The following CDYL variants were observed in gnomAD, a reference collection of about 807,000 sequenced individuals.
CDYL encodes chromodomain Y like, also known as chromodomain Y-like protein.
Under a neutral mutation model 47.3 loss-of-function variants are expected in CDYL, and 8 were observed. That is an observed-to-expected ratio of 0.17 (90% CI 0.10 to 0.31). The LOEUF (loss-of-function observed/expected upper bound fraction) is 0.31, where lower values mean the gene tolerates loss of function less well. Among genes scored for constraint, CDYL ranks in the 10% least tolerant of loss-of-function variants. CDYL has a pLI of 1.00. For missense variants in CDYL, 471 were observed against 701.4 expected (o/e 0.67, Z 3.71); for synonymous variants, 266 against 265.0 (o/e 1.00, Z -0.04).
chr6:4,902,465 AATGTC>A (rs1243976029), intron 2 of CDYL, among the ~76,000 whole-genome samples: 1 of 151,852 alleles, frequency 6.6e-6, no homozygotes, highest in Non-Finnish European at 1.5e-5. Flanking sequence ...ACTTTGAATT[AATGTC>A]ATGTTCCAGC....
intron 1 of CDYL, among the ~76,000 whole-genome samples, chr6:4,862,712 C>CT (rs1043675297): frequency 6.6e-6 from 1 of 152,162 alleles, no homozygotes; most frequent in African/African-American, 2.4e-5. Flanking sequence ...AATTCCTAGA[C>CT]TATTTCCTCA....
rs554390652 is a variant in CDYL, at chr6:4,945,767, C to T, written c.1332+2011C>T. ...CCGTGCCGACGCCCTACCAGGCTGG[C>T]GGCTGTGGCAGGTGCTATATGTGAC... On this transcript the variant is annotated intron_variant, in intron 5 of 6. Transcript: ENST00000397588. Among the ~76,000 whole-genome samples the T allele has an allele frequency of 2.0e-3, 308 of 152,370 alleles. 1 individual carries two copies. The highest frequency in any genetic ancestry group is 6.3e-3 in the African/African-American group (261 of 41,586).
chr6:4,786,272 A>G (rs1262146518), intron 1 of CDYL, among the ~76,000 whole-genome samples: 1 of 152,212 alleles, frequency 6.6e-6, no homozygotes, highest in African/African-American at 2.4e-5. Context: ...GGGATTCAAT[A>G]TGAAATATTT....
rs1341165015 is a variant in CDYL, at chr6:4,858,091, G to A, written c.25-33622G>A. Among the ~76,000 whole-genome samples the A allele has an allele frequency of 2.8e-5, 4 of 141,758 alleles. No individual in the cohort carries two copies. The South Asian group carries it at 8.9e-4, about 31-fold the overall frequency. 93.0% of individuals were successfully genotyped at this position (141,758 alleles called of 152,430 possible). A position where few individuals can be genotyped will look rare whatever the true frequency, so the allele number is the denominator to read the frequency against. ...CTTATTTTCCTTGCCCTTCAAAATT[G>A]TGCTTATTTCTGAATGCAAGAAGTT... is the stretch of plus-strand genomic sequence containing the variant. On this transcript the variant is annotated intron_variant, in intron 1 of 6. Transcript: ENST00000397588.
chr6:4,898,911 C>T (rs1399438356), intron 2 of CDYL, among the ~76,000 whole-genome samples: 4 of 152,216 alleles, frequency 2.6e-5, no homozygotes, highest in African/African-American at 9.6e-5. Context: ...GAGCCAAGGA[C>T]TTTTGAACAT....
intron 1 of CDYL, among the ~76,000 whole-genome samples, chr6:4,783,421 T>C (rs1758671257): frequency 6.6e-6 from 1 of 151,338 alleles, no homozygotes; most frequent in Non-Finnish European, 1.5e-5. Flanking sequence ...TTGAGACTTT[T>C]TTTTTTTTTT....
intron 3 of CDYL, among the ~76,000 whole-genome samples, chr6:4,752,495 T>C (rs918645472): frequency 2.6e-4 from 39 of 152,072 alleles, no homozygotes; most frequent in Admixed American, 7.2e-4. Context: ...GGTGCACAGA[T>C]GGGGTCGAAA....
chr6:4,710,474 T>C (rs1290001375), intron 1 of CDYL, among the ~76,000 whole-genome samples: 1 of 151,520 alleles, frequency 6.6e-6, no homozygotes, highest in African/African-American at 2.4e-5. Context: ...CATCCTTAAT[T>C]TTCTCATGTG....
intron 2 of CDYL, among the ~76,000 whole-genome samples, chr6:4,894,720 A>C (rs1275011701): frequency 6.6e-6 from 1 of 152,078 alleles, no homozygotes; most frequent in East Asian, 1.9e-4. Context: ...AAAATGCTGG[A>C]TTACAGGCGT....
At chr6:4,915,115 A>G (rs891159946) in intron 2 of CDYL, among the ~76,000 whole-genome samples, 1 of 152,258 alleles carries the variant, frequency 6.6e-6, no homozygotes, top group African/African-American at 2.4e-5. Flanking sequence ...CTTTAATGAC[A>G]GCAGATGCCC....
At chr6:4,716,217 C>G (rs1404099138) in intron 2 of CDYL, among the ~76,000 whole-genome samples, 1 of 150,980 alleles carries the variant, frequency 6.6e-6, no homozygotes, top group Non-Finnish European at 1.5e-5. Flanking sequence ...CCACTGTACT[C>G]CAGCCTGGGT....
chr6:4,747,864 A>G (rs1757924866), intron 3 of CDYL, among the ~76,000 whole-genome samples: 1 of 152,248 alleles, frequency 6.6e-6, no homozygotes, highest in Non-Finnish European at 1.5e-5. Context: ...TATGTCATTT[A>G]TCATACTGCA....
At chr6:4,745,925 T>C (rs949107346) in intron 3 of CDYL, among the ~76,000 whole-genome samples, 27 of 152,152 alleles carry the variant, frequency 1.8e-4, no homozygotes, top group South Asian at 4.1e-4. Context: ...GAAGTGTTGA[T>C]GATAACCAGA....
intron 1 of CDYL, among the ~76,000 whole-genome samples, chr6:4,881,239 G>C (rs561935023): frequency 6.6e-6 from 1 of 151,960 alleles, no homozygotes; most frequent in African/African-American, 2.4e-5. Flanking sequence ...TTGTTCCTCT[G>C]TTCCTCTTTT....
At chr6:4,791,144 C>T (rs1758905619) in intron 1 of CDYL, among the ~76,000 whole-genome samples, 1 of 152,192 alleles carries the variant, frequency 6.6e-6, no homozygotes, top group Admixed American at 6.5e-5. Context: ...TATACAGTGG[C>T]CAGCATTGAC....
chr6:4,916,919 G>A (rs1239829178), intron 2 of CDYL, among the ~76,000 whole-genome samples: 1 of 152,216 alleles, frequency 6.6e-6, no homozygotes, highest in African/African-American at 2.4e-5. Context: ...GGTGGGCCCT[G>A]AGGCTGATGG....
intron 2 of CDYL, among the ~76,000 whole-genome samples, chr6:4,925,541 G>A (rs1010312612): frequency 2.0e-5 from 3 of 147,652 alleles, no homozygotes; most frequent in South Asian, 2.2e-4. Flanking sequence ...TCAGCCTCCC[G>A]AGTAGCTGGG....
At position 4,883,712 on chromosome 6, in the gene CDYL, C is replaced by T. The variant is rs552882666; in HGVS notation, c.25-8001C>T. Among the ~76,000 whole-genome samples the T allele has an allele frequency of 2.6e-5, 4 of 152,332 alleles. No homozygotes were observed. The South Asian group carries it at 8.3e-4, about 32-fold the overall frequency. ...TTGAAGGCACTGTCAGCCTATGCCC[C>T]TATGATGCAGGGCTCACTGGTAATT... On this transcript the variant is annotated intron_variant, in intron 1 of 6. Coordinates refer to ENST00000397588, the MANE Select transcript of CDYL (RefSeq NM_004824.4).
intron 1 of CDYL, among the ~76,000 whole-genome samples, chr6:4,850,922 C>G (rs779301139): frequency 1.3e-5 from 2 of 152,094 alleles, no homozygotes; most frequent in Non-Finnish European, 2.9e-5. Context: ...GAGTACTGCT[C>G]ATTTTTTAAA....
Sources: gnomAD v4.1 joint callset for allele counts (sites outside exome capture counted in the v4.1 genomes callset) on GRCh38, gnomAD v4.1.1 for gene constraint, MANE v1.5 for transcripts, NCBI Gene and HGNC (gene_info 2026-07-23, HGNC 2026-07-21) for gene names.